SNX29: variants seen among roughly 807,000 people sequenced by gnomAD.
SNX29 encodes the protein sorting nexin-29.
A neutral mutation model predicts 102.1 loss-of-function variants in SNX29; 78 were observed. That is an observed-to-expected ratio of 0.76 (90% CI 0.64 to 0.92). The LOEUF is 0.92. Among genes scored for constraint, SNX29 ranks in the 40% least tolerant of loss-of-function variants. The pLI is 0.00. For missense variants in SNX29, 1,280 were observed against 1,061.7 expected (o/e 1.21, Z -2.86); for synonymous variants, 580 against 414.5 (o/e 1.40, Z -4.85).
intron 20 of SNX29, among the ~76,000 whole-genome samples, chr16:12,548,914 T>C (rs2077783942): frequency 6.6e-6 from 1 of 152,184 alleles, no homozygotes; most frequent in Non-Finnish European, 1.5e-5. Context: ...GGGCTGTAGG[T>C]ATTCTTCAGT....
intron 3 of SNX29, among the ~76,000 whole-genome samples, chr16:12,009,390 G>T (rs946712990): frequency 3.3e-5 from 5 of 151,798 alleles, no homozygotes; most frequent in African/African-American, 1.2e-4. Context: ...ATGTGTGTGT[G>T]GGTATGTGTG....
intron 20 of SNX29, among the ~76,000 whole-genome samples, chr16:12,525,561 A>G (rs8057303): frequency 0.012 from 1,753 of 151,740 alleles, 40 homozygotes; most frequent in African/African-American, 0.04. Flanking sequence ...GCATGGTGGC[A>G]GGCGCCTGTA....
intron 18 of SNX29, among the ~76,000 whole-genome samples, chr16:12,418,634 C>G (rs977827587): frequency 6.6e-6 from 1 of 152,100 alleles, no homozygotes; most frequent in African/African-American, 2.4e-5. Context: ...CCTGCCTCAG[C>G]CTTCTGAGTA....
At chr16:12,311,704 T>G (rs1007225491) in intron 15 of SNX29, among the ~76,000 whole-genome samples, 4 of 152,260 alleles carry the variant, frequency 2.6e-5, no homozygotes, top group African/African-American at 9.6e-5. Flanking sequence ...TTTCTTTGTA[T>G]GTTGTCTGTC....
chr16:12,327,429 G>C (rs1006332788), intron 15 of SNX29, among the ~76,000 whole-genome samples: 1 of 151,934 alleles, frequency 6.6e-6, no homozygotes, highest in African/African-American at 2.4e-5. Flanking sequence ...TCAAGGTGTC[G>C]GCAGGGTTGT....
chr16:12,549,527 T>C (rs112919092), intron 20 of SNX29, among the ~76,000 whole-genome samples: 7 of 69,832 alleles, frequency 1.0e-4, no homozygotes, highest in Admixed American at 1.5e-4. Flanking sequence ...TCATCCTCTA[T>C]CTCAAATAGC....
intron 20 of SNX29, among the ~76,000 whole-genome samples, chr16:12,563,923 A>C (rs943394156): frequency 2.6e-5 from 4 of 152,166 alleles, no homozygotes; most frequent in African/African-American, 4.8e-5. Context: ...GAAGACCTAC[A>C]ATACCTAGAC....
At chr16:12,144,406 A>T (rs2054975608) in intron 13 of SNX29, among the ~76,000 whole-genome samples, 1 of 152,232 alleles carries the variant, frequency 6.6e-6, no homozygotes, top group African/African-American at 2.4e-5. Flanking sequence ...TCTAAAACTC[A>T]TGTTGAAACT....
intron 20 of SNX29, among the ~76,000 whole-genome samples, chr16:12,547,511 G>C (rs1597901853): frequency 6.6e-6 from 1 of 152,074 alleles, no homozygotes; most frequent in East Asian, 1.9e-4. Flanking sequence ...GTTTCAATGT[G>C]GGTGTGAGAG....
At chr16:12,105,277 T>TGCAG (rs2053188625) in intron 11 of SNX29, among the ~76,000 whole-genome samples, 1 of 137,804 alleles carries the variant, frequency 7.3e-6, no homozygotes, top group African/African-American at 2.7e-5. Flanking sequence ...TAGGCTGGAG[T>TGCAG]GCAGGGTCAT....
intron 10 of SNX29, among the ~76,000 whole-genome samples, chr16:12,077,386 GGTGTGT>G (rs60621681): frequency 0.031 from 4,376 of 142,782 alleles, 149 homozygotes; most frequent in African/African-American, 0.073. Flanking sequence ...TCCTAGTCAT[GGTGTGT>G]GTGTGTGTGT....
intron 13 of SNX29, among the ~76,000 whole-genome samples, chr16:12,189,669 G>A (rs796855598): frequency 7.9e-5 from 12 of 152,156 alleles, no homozygotes; most frequent in East Asian, 1.9e-4. Flanking sequence ...TTTTGAGCTC[G>A]AAATACCCTA....
intron 15 of SNX29, among the ~76,000 whole-genome samples, chr16:12,316,479 G>A (rs532304995): frequency 5.9e-5 from 9 of 152,288 alleles, no homozygotes; most frequent in African/African-American, 2.2e-4. Flanking sequence ...GGAGGCGGAG[G>A]TTGCAGTGAG....
chr16:12,431,923 T>A (rs1182203297), intron 18 of SNX29, among the ~76,000 whole-genome samples: 1 of 152,246 alleles, frequency 6.6e-6, no homozygotes, highest in African/African-American at 2.4e-5. Flanking sequence ...AACAAAGACT[T>A]ACGGGGAACC....
chr16:12,562,788 C>T (rs1042339465), intron 20 of SNX29, among the ~76,000 whole-genome samples: 2 of 152,150 alleles, frequency 1.3e-5, no homozygotes, highest in Non-Finnish European at 2.9e-5. Flanking sequence ...TAGCCATCAC[C>T]ATCAAGATGT....
chr16:12,492,861 G>T (rs978817701), intron 19 of SNX29, among the ~76,000 whole-genome samples: 1 of 152,186 alleles, frequency 6.6e-6, no homozygotes, highest in South Asian at 2.1e-4. Flanking sequence ...CATTATTTCT[G>T]AGGGCTCTGT....
rs148818361 is a variant in SNX29, at chr16:12,317,847, C to T, written c.1783-38316C>T. Among the ~76,000 whole-genome samples, 380 of 152,324 alleles carry T rather than the reference C, an allele frequency of 2.5e-3. 1 individual carries two copies. Among genetic ancestry groups the T allele is most frequent in the African/African-American group, 8.2e-3 (339 of 41,574 alleles). On this transcript the variant is annotated intron_variant, in intron 15 of 20. Transcript: ENST00000566228. ...TGGTGATGCTAATGACTCCCCGTGCCGGGGTGGGGGGTCGAAATGAGATAA... is the reference window on the plus strand; with the variant it reads ...TGGTGATGCTAATGACTCCCCGTGCTGGGGTGGGGGGTCGAAATGAGATAA...
chr16:12,540,403 G>C (rs1233268170), intron 20 of SNX29, among the ~76,000 whole-genome samples: 1 of 152,188 alleles, frequency 6.6e-6, no homozygotes, highest in Non-Finnish European at 1.5e-5. Context: ...AAAGTTAGTG[G>C]CTAAAAACTA....
At chr16:12,003,166 C>T in intron 3 of SNX29, 123 bp downstream of exon 3, 1 of 1,171,810 alleles carries the variant, frequency 8.5e-7, no homozygotes, top group Non-Finnish European at 1.3e-6. Flanking sequence ...GGCTTCTGGG[C>T]TCTGCCTCTG....
Sources: gnomAD v4.1 joint callset for allele counts (sites outside exome capture counted in the v4.1 genomes callset) on GRCh38, gnomAD v4.1.1 for gene constraint, MANE v1.5 for transcripts, NCBI Gene and HGNC (gene_info 2026-07-23, HGNC 2026-07-21) for gene names.